The following TTC39B variants were observed in gnomAD, a reference collection of about 807,000 sequenced individuals.
TTC39B encodes tetratricopeptide repeat domain 39B.
A neutral mutation model predicts 96.6 loss-of-function variants in TTC39B; 92 were observed. The observed-to-expected ratio is 0.95, with a 90% CI of 0.80 to 1.13. The LOEUF (loss-of-function observed/expected upper bound fraction) is 1.13, where lower values mean the gene tolerates loss of function less well. Among genes scored for constraint, TTC39B ranks in the 50% most tolerant of loss-of-function variants. The pLI is 0.00. For synonymous variants in TTC39B, 367 were observed against 299.4 expected, an observed-to-expected ratio of 1.23 and a Z score of -2.33; for missense variants, 955 against 809.3, an observed-to-expected ratio of 1.18 and a Z score of -2.18.
intron 2 of TTC39B, among the ~76,000 whole-genome samples, chr9:15,238,146 C>T (rs2131459310): frequency 6.6e-6 from 1 of 152,264 alleles, no homozygotes; most frequent in East Asian, 1.9e-4. Context: ...GACAAACCCA[C>T]AGCCAACATC....
In TTC39B at chr9:15,186,914, C is replaced by A. The variant is rs778665696; in HGVS notation, c.1487+30G>T. 2.5e-6 allele frequency: 4 copies of A among 1,597,918 alleles called. No individual in the cohort carries two copies. The East Asian group carries it at 6.7e-5, about 27-fold the overall frequency. On this transcript the variant is annotated intron_variant, in intron 15 of 19. Transcript: ENST00000512701. ...ATTTTGCCCCTTTATACCCTCAGAG[C>A]CTTTGTTATAGGAATAGTGTCTCAC...
rs1174714919 is a variant in TTC39B, at chr9:15,166,982, TTATATATATATA to T, written c.*5025_*5036del. ...TAACATGTGTCCACAAACCTTTATT[TTATATATATATA>T]TATATATATATATATATATATATAT... is the stretch of plus-strand genomic sequence containing the variant. On this transcript the variant is annotated 3_prime_UTR_variant, in exon 20 of 20. Coordinates refer to ENST00000512701, the Ensembl canonical transcript of TTC39B. 6.7e-3 allele frequency: 135 copies of T among 20,256 alleles called. 3 individuals carry two copies. The highest frequency in any genetic ancestry group is 0.012 in the African/African-American group (66 of 5,432). The allele number at this position is 20,256 out of a possible 1,614,324, so 1.3% of individuals were successfully genotyped here.
chr9:15,177,279 G>T (rs76954029), intron 18 of TTC39B, among the ~76,000 whole-genome samples: 1 of 151,928 alleles, frequency 6.6e-6, no homozygotes, highest in African/African-American at 2.4e-5. Context: ...GCTGCAGTGA[G>T]CCATGATTGT....
At chr9:15,209,934 G>A (rs908799460) in intron 6 of TTC39B, among the ~76,000 whole-genome samples, 154 bp downstream of exon 6, 3 of 152,120 alleles carry the variant, frequency 2.0e-5, no homozygotes, top group Non-Finnish European at 2.9e-5. Context: ...GCTTCAAAAT[G>A]AACTATTAAC....
intron 7 of TTC39B, among the ~76,000 whole-genome samples, chr9:15,203,165 A>C (rs1819639257): frequency 6.6e-6 from 1 of 152,238 alleles, no homozygotes; most frequent in Non-Finnish European, 1.5e-5. Context: ...CTCTACCAGT[A>C]GAAAGCGCAA....
chr9:15,211,177 G>C lies in TTC39B; in HGVS notation c.614+89C>G, dbSNP rs575861922. 3.7e-6 allele frequency: 5 copies of C among 1,350,630 alleles called. No homozygotes were observed. In the African/African-American group the frequency reaches 7.5e-5, roughly 20 times the overall value. 83.7% of individuals were successfully genotyped at this position (1,350,630 alleles called of 1,614,324 possible). A position where few individuals can be genotyped will look rare whatever the true frequency, so the allele number is the denominator to read the frequency against. ...GTAACTGTGGCCAATTTCAAACACAGAGCTTTTGGTCAGGCAAATGACATT... is the reference window on the plus strand; with the variant it reads ...GTAACTGTGGCCAATTTCAAACACACAGCTTTTGGTCAGGCAAATGACATT... On this transcript the variant is annotated intron_variant, in intron 5 of 19. Transcript: ENST00000512701.
At chr9:15,191,553 C>A (rs1233593006) in intron 9 of TTC39B, among the ~76,000 whole-genome samples, 2 of 152,166 alleles carry the variant, frequency 1.3e-5, no homozygotes, top group African/African-American at 2.4e-5. Flanking sequence ...CCCCTCAAAG[C>A]CCACATCCAG....
exon 16 of TTC39B, chr9:15,185,356 T>C (rs1406138105): frequency 6.2e-7 from 1 of 1,613,786 alleles, no homozygotes; most frequent in Non-Finnish European, 8.5e-7. Context: ...AGCAAACTTC[T>C]CAGTAGGGAT....
rs1369200920 is a variant in TTC39B, at chr9:15,300,327, C to T, written c.240+6757G>A. Among the ~76,000 whole-genome samples, 3 of 152,136 alleles carry T rather than the reference C, an allele frequency of 2.0e-5. No homozygotes were observed. The East Asian group carries it at 5.8e-4, about 29-fold the overall frequency. The stretch of plus-strand genomic sequence containing the variant: ...GGAACCCAGAATTATTACTCAATGG[C>T]TCCTCCCTCACTGCACCACTGACCC... On this transcript the variant is annotated intron_variant, in intron 1 of 19. Transcript: ENST00000512701.
Position 15,225,907 on chromosome 9 carries a change from C to G in TTC39B, c.371+10G>C. ...CTCTTCCCCCAGGAATGCCCACAAC[C>G]CTTCCTGACCTGCTGACAGTAGACG... On this transcript the variant is annotated intron_variant, in intron 3 of 19. Transcript: ENST00000512701. 2 of 1,612,612 alleles carry G rather than the reference C, an allele frequency of 1.2e-6. No individual in the cohort carries two copies. Among genetic ancestry groups the G allele is most frequent in the African/African-American group, 1.3e-5 (1 of 75,036 alleles).
chr9:15,171,775 A>G (rs1349813540), exon 20 of TTC39B: 1 of 258,934 alleles, frequency 3.9e-6, no homozygotes, highest in Non-Finnish European at 7.3e-6. Context: ...CCTAATTCAA[A>G]TAATATGAAA....
chr9:15,219,881 G>A (rs1287910173), intron 3 of TTC39B, among the ~76,000 whole-genome samples: 1 of 152,178 alleles, frequency 6.6e-6, no homozygotes, highest in Non-Finnish European at 1.5e-5. Context: ...CACAAGGGAG[G>A]CCTGCACTTT....
Position 15,230,998 on chromosome 9 carries a change from AAC to A in TTC39B, c.276-4988_276-4987del, listed in dbSNP as rs1373649090. On this transcript the variant is annotated intron_variant, in intron 2 of 19. Transcript: ENST00000512701. ...AGACTCCATCTCAGAAAAAAAAAAA[AAC>A]AAACAAGTTATTGTGTGGACATGTA... Among the ~76,000 whole-genome samples the A allele has an allele frequency of 2.2e-3, 329 of 151,936 alleles. 4 individuals are homozygous for A. Among genetic ancestry groups the A allele is most frequent in the African/African-American group, 7.6e-3 (314 of 41,332 alleles).
chr9:15,252,045 A>C (rs1169465210), intron 2 of TTC39B, among the ~76,000 whole-genome samples: 2 of 152,128 alleles, frequency 1.3e-5, no homozygotes, highest in Admixed American at 1.3e-4. Context: ...TGTGCGCTGT[A>C]CTACAAAAGA....
At chr9:15,230,877 C>T (rs151032020) in intron 2 of TTC39B, among the ~76,000 whole-genome samples, 3,367 of 151,848 alleles carry the variant, frequency 0.022, 122 homozygotes, top group African/African-American at 0.077. Context: ...TCCAGCTACT[C>T]GGGAGGCTGA....
At chr9:15,296,068 A>G (rs1300254424) in intron 1 of TTC39B, among the ~76,000 whole-genome samples, 3 of 152,202 alleles carry the variant, frequency 2.0e-5, no homozygotes, top group Non-Finnish European at 2.9e-5. Context: ...TTCTGAGTGT[A>G]AGGACTGTGA....
At position 15,187,970 on chromosome 9, in the gene TTC39B, C is replaced by A. The variant is rs748221856; in HGVS notation, c.1395+1G>T. The A allele has an allele frequency of 1.9e-6, 3 of 1,581,848 alleles. No individual in the cohort carries two copies. Among genetic ancestry groups the A allele is most frequent in the South Asian group, 2.4e-5 (2 of 84,552 alleles). ...ACATTAATGAAAGTATTGCACTTTA[C>A]CTTGGACCATTTACTCTCTTTGCAA... is the stretch of plus-strand genomic sequence containing the variant. On this transcript the variant is annotated splice_donor_variant, in intron 14 of 19. Coordinates refer to ENST00000512701, the Ensembl canonical transcript of TTC39B. LOFTEE classifies it high-confidence loss of function.
intron 8 of TTC39B, among the ~76,000 whole-genome samples, chr9:15,195,158 A>G (rs1819082244): frequency 6.6e-6 from 1 of 152,208 alleles, no homozygotes; most frequent in African/African-American, 2.4e-5. Context: ...CACAAATGAT[A>G]AGAAAACAAA....
At chr9:15,262,158 G>A in intron 2 of TTC39B, among the ~76,000 whole-genome samples, 1 of 152,036 alleles carries the variant, frequency 6.6e-6, no homozygotes, top group East Asian at 1.9e-4. Context: ...GAGTGCAGTG[G>A]CACAATCTCA....
Sources: gnomAD v4.1 joint callset for allele counts (sites outside exome capture counted in the v4.1 genomes callset) on GRCh38, gnomAD v4.1.1 for gene constraint, MANE v1.5 for transcripts, NCBI Gene and HGNC (gene_info 2026-07-23, HGNC 2026-07-21) for gene names.